RORA: variants seen among roughly 807,000 people sequenced by gnomAD.
RORA encodes the protein nuclear receptor ROR-alpha.
In RORA, 7 loss-of-function variants were observed where a neutral mutation model predicts 69.5. The ratio of observed to expected loss-of-function variants is 0.10; its 90% CI spans 0.06 to 0.19. The LOEUF is 0.19. RORA is among the 10% of genes least tolerant of loss of function. The pLI is 1.00. For missense variants in RORA, 457 were observed against 663.0 expected, an observed-to-expected ratio of 0.69 and a Z score of 3.41; for synonymous variants, 261 against 240.8, an observed-to-expected ratio of 1.08 and a Z score of -0.78.
At chr15:60,690,064 G>T (rs891922707) in intron 1 of RORA, among the ~76,000 whole-genome samples, 17 of 152,194 alleles carry the variant, frequency 1.1e-4, no homozygotes, top group Non-Finnish European at 2.1e-4. Flanking sequence ...ACAGTTCCAT[G>T]AAATTACTAC....
At chr15:61,135,392 T>C (rs1257805668) in intron 1 of RORA, among the ~76,000 whole-genome samples, 3 of 151,898 alleles carry the variant, frequency 2.0e-5, no homozygotes, top group Admixed American at 6.6e-5. Flanking sequence ...TTTTGTATTA[T>C]GTGTTCCTAC....
At chr15:60,657,331 C>T (rs1324379523) in intron 2 of RORA, among the ~76,000 whole-genome samples, 1 of 152,140 alleles carries the variant, frequency 6.6e-6, no homozygotes, top group Non-Finnish European at 1.5e-5. Flanking sequence ...TGCCAATACC[C>T]CCCTGCCCCA....
chr15:60,904,344 C>T (rs1389923840), intron 1 of RORA, among the ~76,000 whole-genome samples: 2 of 152,084 alleles, frequency 1.3e-5, no homozygotes, highest in Admixed American at 1.3e-4. Context: ...AAGGAGCCTC[C>T]TAGTTGGGGA....
intron 3 of RORA, among the ~76,000 whole-genome samples, chr15:60,516,228 TA>T: frequency 3.3e-5 from 2 of 61,318 alleles, no homozygotes; most frequent in Admixed American, 2.8e-4. Context: ...TATATTTATA[TA>T]TATATTTATA....
intron 1 of RORA, among the ~76,000 whole-genome samples, chr15:60,758,558 G>A (rs2071835556): frequency 6.6e-6 from 1 of 151,998 alleles, no homozygotes; most frequent in African/African-American, 2.4e-5. Context: ...AATACAGTTG[G>A]GGAGTGGGAA....
chr15:60,983,798 G>A (rs1469056947), intron 1 of RORA, among the ~76,000 whole-genome samples: 2 of 152,098 alleles, frequency 1.3e-5, no homozygotes, highest in Non-Finnish European at 2.9e-5. Flanking sequence ...GATGTCTTAT[G>A]TCTCCCTAAA....
chr15:60,664,876 T>C (rs2098409740), intron 2 of RORA, among the ~76,000 whole-genome samples: 2 of 152,210 alleles, frequency 1.3e-5, no homozygotes, highest in Admixed American at 6.5e-5. Flanking sequence ...CTCCTCTTGT[T>C]TTGACTCAAG....
intron 1 of RORA, among the ~76,000 whole-genome samples, chr15:60,712,161 T>C (rs1412809878): frequency 6.6e-6 from 1 of 152,132 alleles, no homozygotes. Context: ...TTGCATTAAT[T>C]TGGGGATGAT....
intron 1 of RORA, among the ~76,000 whole-genome samples, chr15:60,902,268 T>C (rs1390450033): frequency 6.9e-6 from 1 of 144,812 alleles, no homozygotes; most frequent in African/African-American, 2.5e-5. Flanking sequence ...TGTTGAACTA[T>C]TTCAATTTTA....
intron 1 of RORA, among the ~76,000 whole-genome samples, chr15:60,831,931 T>C (rs754676029): frequency 1.3e-5 from 2 of 152,168 alleles, no homozygotes; most frequent in Non-Finnish European, 2.9e-5. Context: ...TGGCAGCTAA[T>C]ATGGTAGGAG....
At chr15:60,976,690 C>T (rs905928944) in intron 1 of RORA, among the ~76,000 whole-genome samples, 1 of 152,102 alleles carries the variant, frequency 6.6e-6, no homozygotes, top group Non-Finnish European at 1.5e-5. Context: ...GGAGGAGACC[C>T]CAGACGGGCT....
intron 2 of RORA, chr15:60,547,947 T>C (rs1247397235): frequency 2.0e-5 from 3 of 152,196 alleles, no homozygotes; most frequent in Middle Eastern, 3.2e-3. Context: ...CCTAATAACA[T>C]AAATGACTTT....
intron 1 of RORA, among the ~76,000 whole-genome samples, chr15:60,790,188 A>C (rs956585948): frequency 6.6e-6 from 1 of 152,202 alleles, no homozygotes; most frequent in Non-Finnish European, 1.5e-5. Context: ...GAGCATCTAA[A>C]TCACCTGACT....
chr15:60,993,521 T>C (rs1894443552), intron 1 of RORA, among the ~76,000 whole-genome samples: 1 of 151,644 alleles, frequency 6.6e-6, no homozygotes, highest in South Asian at 2.1e-4. Context: ...CAGATGCCTG[T>C]AATCCTGGCT....
At chr15:60,853,422 C>G (rs766599310) in intron 1 of RORA, among the ~76,000 whole-genome samples, 2 of 152,120 alleles carry the variant, frequency 1.3e-5, no homozygotes, top group Admixed American at 6.5e-5. Flanking sequence ...TCTCTCTTGT[C>G]GGTTCCATGA....
chr15:60,650,032 C>G (rs2070116021), intron 2 of RORA, among the ~76,000 whole-genome samples: 1 of 152,144 alleles, frequency 6.6e-6, no homozygotes, highest in Admixed American at 6.5e-5. Context: ...AAGCACGAGT[C>G]ATGGTAACTG....
chr15:60,858,762 A>G (rs1439557983), intron 1 of RORA, among the ~76,000 whole-genome samples: 6 of 151,840 alleles, frequency 4.0e-5, no homozygotes, highest in Non-Finnish European at 2.9e-5. Context: ...GTCAATCCAC[A>G]AAAAATGAAA....
intron 2 of RORA, chr15:60,627,512 C>T: frequency 1.3e-6 from 2 of 1,482,206 alleles, no homozygotes; most frequent in Non-Finnish European, 1.8e-6. Flanking sequence ...GGGGATAATG[C>T]TCAGAGGCCC....
intron 1 of RORA, among the ~76,000 whole-genome samples, chr15:60,832,966 G>T (rs377438822): frequency 6.6e-6 from 1 of 151,766 alleles, no homozygotes; most frequent in African/African-American, 2.4e-5. Flanking sequence ...GTGCAGTGGC[G>T]TGATCTCGGC....
Sources: gnomAD v4.1 joint callset for allele counts (sites outside exome capture counted in the v4.1 genomes callset) on GRCh38, gnomAD v4.1.1 for gene constraint, MANE v1.5 for transcripts, NCBI Gene and HGNC (gene_info 2026-07-23, HGNC 2026-07-21) for gene names.